TMEM131L: variants seen among roughly 807,000 people sequenced by gnomAD.
TMEM131L encodes the protein transmembrane 131 like.
Under a neutral mutation model 192.2 loss-of-function variants are expected in TMEM131L, and 54 were observed. That is an observed-to-expected ratio of 0.28 (90% CI 0.23 to 0.35). The LOEUF (loss-of-function observed/expected upper bound fraction) is 0.35, where lower values mean the gene tolerates loss of function less well. Ranked by LOEUF, TMEM131L falls within the 10% of genes least tolerant of loss-of-function variation. The pLI is 1.00. For synonymous variants in TMEM131L, 701 were observed against 704.9 expected, an observed-to-expected ratio of 0.99 and a Z score of 0.09; for missense variants, 1,888 against 1,972.9, an observed-to-expected ratio of 0.96 and a Z score of 0.82.
intron 3 of TMEM131L, among the ~76,000 whole-genome samples, chr4:153,477,934 C>A (rs1034119150): frequency 1.3e-5 from 2 of 152,072 alleles, no homozygotes; most frequent in Non-Finnish European, 2.9e-5. Context: ...TTTTGTCTTC[C>A]CGAAAGAAGT....
At position 153,603,821 on chromosome 4, in the gene TMEM131L, C is replaced by A. The variant is rs1732016517; in HGVS notation, c.2809C>A (p.Leu937Ile). Residue 937 changes from leucine to isoleucine, a missense_variant, in exon 25 of 35, where the codon CTC (leucine) becomes ATC (isoleucine). By Grantham distance (5) the Leu-to-Ile change is conservative. Transcript: ENST00000409959. ...HSYKSNCKNF[L>I]DTYGPSDKGR... ...ATTCAGAAGCAATTGCAAGAACTTT[C>A]TCGATACATATGGCCCCTCTGATAA... 1.3e-6 allele frequency: 2 copies of A among 1,581,490 alleles called. No homozygotes were observed. The highest frequency in any genetic ancestry group is 4.0e-5 in the Admixed American group (2 of 50,160).
chr4:153,481,649 C>G (rs1324051670), intron 3 of TMEM131L, among the ~76,000 whole-genome samples: 1 of 152,196 alleles, frequency 6.6e-6, no homozygotes, highest in Admixed American at 6.5e-5. Flanking sequence ...GATCCTCCAA[C>G]CTCAGCCTCT....
chr4:153,525,321 A>C (rs533706292), intron 3 of TMEM131L, among the ~76,000 whole-genome samples: 1 of 152,320 alleles, frequency 6.6e-6, no homozygotes, highest in East Asian at 1.9e-4. Flanking sequence ...TAACAGCCTC[A>C]TAAGTAAATC....
At chr4:153,587,842 A>T (rs1730801370) in intron 15 of TMEM131L, 31 bp downstream of exon 15, 2 of 1,489,302 alleles carry the variant, frequency 1.3e-6, no homozygotes, top group South Asian at 2.3e-5. Context: ...CTTTCTGTAG[A>T]TCTCTAGTTT....
intron 31 of TMEM131L, among the ~76,000 whole-genome samples, chr4:153,629,235 G>A (rs57006900): frequency 0.036 from 5,455 of 152,144 alleles, 284 homozygotes; most frequent in African/African-American, 0.12. Flanking sequence ...CTCGTGCCTC[G>A]TTTACTTGAT....
chr4:153,548,113 C>T (rs527982914), intron 3 of TMEM131L, among the ~76,000 whole-genome samples: 58 of 152,134 alleles, frequency 3.8e-4, no homozygotes, highest in African/African-American at 1.3e-3. Flanking sequence ...TCTTCACCTT[C>T]GTTACCACCT....
intron 3 of TMEM131L, among the ~76,000 whole-genome samples, chr4:153,542,300 A>G (rs1383910294): frequency 6.6e-6 from 1 of 152,172 alleles, no homozygotes; most frequent in Non-Finnish European, 1.5e-5. Flanking sequence ...CTGGAAACCA[A>G]GGGAGAGCCA....
intron 13 of TMEM131L, 109 bp from the exon 14 acceptor site, chr4:153,586,100 A>G (rs1230641498): frequency 2.5e-6 from 2 of 796,304 alleles, no homozygotes. Context: ...ATAACTGAGT[A>G]AAATCATACT....
intron 3 of TMEM131L, among the ~76,000 whole-genome samples, chr4:153,547,724 G>C (rs1737292602): frequency 1.3e-5 from 2 of 152,232 alleles, no homozygotes; most frequent in African/African-American, 4.8e-5. Flanking sequence ...CAGCAGGCCA[G>C]ACTGCATCGG....
At chr4:153,613,004 C>T (rs1480465230) in intron 26 of TMEM131L, among the ~76,000 whole-genome samples, 3 of 152,058 alleles carry the variant, frequency 2.0e-5, no homozygotes, top group African/African-American at 4.8e-5. Flanking sequence ...TTAAGCTTGC[C>T]TCAGACTTTT....
chr4:153,526,112 C>T (rs539099592), intron 3 of TMEM131L, among the ~76,000 whole-genome samples: 12 of 152,148 alleles, frequency 7.9e-5, no homozygotes, highest in Non-Finnish European at 1.2e-4. Flanking sequence ...CCACCTCGGT[C>T]TCCCAAAGTA....
At chr4:153,475,525 C>T (rs181216328) in intron 3 of TMEM131L, among the ~76,000 whole-genome samples, 4 of 152,288 alleles carry the variant, frequency 2.6e-5, no homozygotes, top group Admixed American at 2.0e-4. Context: ...CTGTTCATCT[C>T]ATTAAAGGAT....
intron 3 of TMEM131L, 71 bp from the exon 4 acceptor site, chr4:153,550,002 C>G (rs926275856): frequency 1.5e-6 from 1 of 683,836 alleles, no homozygotes; most frequent in African/African-American, 1.9e-5. Flanking sequence ...AGTCATTAGT[C>G]TAAGTACGTT....
At chr4:153,477,607 A>G (rs1731638666) in intron 3 of TMEM131L, among the ~76,000 whole-genome samples, 1 of 152,228 alleles carries the variant, frequency 6.6e-6, no homozygotes, top group Non-Finnish European at 1.5e-5. Context: ...TATAAAAAAA[A>G]AATTTTACAT....
intron 10 of TMEM131L, 38 bp from the exon 11 acceptor site, chr4:153,583,526 G>A: frequency 7.7e-7 from 1 of 1,298,754 alleles, no homozygotes. Context: ...TACTCTCCCA[G>A]CTGAGAGTAG....
intron 7 of TMEM131L, among the ~76,000 whole-genome samples, chr4:153,572,894 A>G (rs949146617): frequency 5.9e-5 from 9 of 152,112 alleles, no homozygotes; most frequent in Non-Finnish European, 1.2e-4. Context: ...GGCAACCACT[A>G]TTCTACTTTC....
chr4:153,490,878 C>T (rs1184168465), intron 3 of TMEM131L, among the ~76,000 whole-genome samples: 3 of 147,796 alleles, frequency 2.0e-5, no homozygotes, highest in Non-Finnish European at 4.5e-5. Flanking sequence ...GGCGTGAACC[C>T]GGGAGGTGGA....
intron 3 of TMEM131L, among the ~76,000 whole-genome samples, chr4:153,499,429 AT>A (rs11334807): frequency 0.21 from 30,098 of 140,232 alleles, 5,501 homozygotes; most frequent in African/African-American, 0.5. Context: ...GATCTTTATG[AT>A]TTTTTTTTTT....
Position 153,636,363 on chromosome 4 carries a change from C to A in TMEM131L, c.4620C>A (p.Ala1540=). The change falls in exon 35 of 35, where the codon GCC becomes GCA. Residue 1540 remains alanine, a synonymous_variant. Transcript: ENST00000409959. ...CTGGACTTTTTGGTTCCATCTGGGC[C>A]CCGCAAAGCGATGTGTATGAAAATT... ...PMSGLFGSIW[A]PQSDVYENCC... The A allele has an allele frequency of 6.2e-7, 1 of 1,614,102 alleles. No individual in the cohort carries two copies. The highest frequency in any genetic ancestry group is 1.1e-5 in the South Asian group (1 of 91,080).
Sources: allele counts gnomAD v4.1 joint callset (sites outside exome capture counted in the v4.1 genomes callset), GRCh38; gene constraint gnomAD v4.1.1; transcripts MANE v1.5; gene names NCBI Gene and HGNC (gene_info 2026-07-23, HGNC 2026-07-21).